CDH12: variants seen among roughly 807,000 people sequenced by gnomAD.
CDH12 encodes the protein cadherin-12.
In CDH12, 41 loss-of-function variants were observed where a neutral mutation model predicts 74.1. The ratio of observed to expected loss-of-function variants is 0.55; its 90% CI spans 0.43 to 0.72. CDH12 has a LOEUF of 0.72. CDH12 is among the 30% of genes least tolerant of loss of function. The pLI is 0.00. For synonymous variants in CDH12, 399 were observed against 355.0 expected (o/e 1.12, Z -1.39); for missense variants, 945 against 977.2 (o/e 0.97, Z 0.44).
intron 1 of CDH12, among the ~76,000 whole-genome samples, chr5:22,718,554 G>A (rs1312508312): frequency 6.6e-6 from 1 of 152,144 alleles, no homozygotes; most frequent in Non-Finnish European, 1.5e-5. Context: ...TCCTTACTGA[G>A]AGAGAGAGCC....
intron 1 of CDH12, among the ~76,000 whole-genome samples, chr5:22,720,743 C>T (rs946515339): frequency 4.6e-5 from 7 of 152,152 alleles, no homozygotes; most frequent in Admixed American, 6.5e-5. Flanking sequence ...ACAATGAAGT[C>T]TGGCTGAGGT....
At chr5:21,925,696 G>C (rs1485250639) in intron 6 of CDH12, among the ~76,000 whole-genome samples, 1 of 152,048 alleles carries the variant, frequency 6.6e-6, no homozygotes. Context: ...TTAGACATAA[G>C]AACTGTATCC....
At chr5:22,345,965 C>T (rs1740092045) in intron 3 of CDH12, among the ~76,000 whole-genome samples, 1 of 151,832 alleles carries the variant, frequency 6.6e-6, no homozygotes, top group African/African-American at 2.4e-5. Flanking sequence ...AATTAGCTGG[C>T]TGTGGTGGCA....
chr5:22,010,939 A>C (rs1490520416), intron 5 of CDH12, among the ~76,000 whole-genome samples: 1 of 151,950 alleles, frequency 6.6e-6, no homozygotes. Flanking sequence ...TTTGACTTCA[A>C]GGATTCCTTG....
intron 11 of CDH12, among the ~76,000 whole-genome samples, chr5:21,773,761 G>A (rs1271938645): frequency 6.6e-6 from 1 of 151,982 alleles, no homozygotes; most frequent in Admixed American, 6.6e-5. Flanking sequence ...CCCTTATTTT[G>A]TTAAGAACAT....
At chr5:22,708,022 T>A (rs1325201995) in intron 1 of CDH12, among the ~76,000 whole-genome samples, 2 of 152,174 alleles carry the variant, frequency 1.3e-5, no homozygotes, top group Admixed American at 1.3e-4. Flanking sequence ...TTGAAGGCTG[T>A]CCTAAAATAT....
At chr5:22,464,127 A>C (rs1443029627) in intron 2 of CDH12, among the ~76,000 whole-genome samples, 1 of 152,138 alleles carries the variant, frequency 6.6e-6, no homozygotes, top group African/African-American at 2.4e-5. Flanking sequence ...TGATTTTTCA[A>C]AGAGGAATTC....
chr5:22,368,513 AG>A (rs1741132643), intron 3 of CDH12, among the ~76,000 whole-genome samples: 1 of 144,676 alleles, frequency 6.9e-6, no homozygotes, highest in African/African-American at 2.6e-5. Context: ...CATGTTTCTC[AG>A]GCTGGTTTCA....
intron 5 of CDH12, among the ~76,000 whole-genome samples, chr5:21,987,399 A>G (rs1757563882): frequency 6.6e-6 from 1 of 152,208 alleles, no homozygotes; most frequent in Non-Finnish European, 1.5e-5. Context: ...CCTATGAATC[A>G]AGCATTTTGT....
intron 6 of CDH12, among the ~76,000 whole-genome samples, chr5:21,885,240 CA>C (rs769660534): frequency 2.6e-5 from 4 of 152,132 alleles, no homozygotes; most frequent in Non-Finnish European, 5.9e-5. Flanking sequence ...ATTCTCACAA[CA>C]GTATGAGAAA....
chr5:21,977,565 G>A (rs1338786206), intron 5 of CDH12, among the ~76,000 whole-genome samples: 3 of 152,048 alleles, frequency 2.0e-5, no homozygotes, highest in East Asian at 3.9e-4. Flanking sequence ...TGTGATACAA[G>A]TAGAATTTTA....
chr5:22,167,214 T>C (rs1023065054), intron 4 of CDH12, among the ~76,000 whole-genome samples: 1 of 152,194 alleles, frequency 6.6e-6, no homozygotes, highest in African/African-American at 2.4e-5. Flanking sequence ...TGTGAAACAC[T>C]GTGTTAGAAT....
intron 9 of CDH12, among the ~76,000 whole-genome samples, chr5:21,811,739 TG>T (rs1481917658): frequency 1.5e-5 from 2 of 131,618 alleles, no homozygotes; most frequent in African/African-American, 5.5e-5. Context: ...TTTCTCAGAG[TG>T]GTAGGATGTG....
Position 22,802,544 on chromosome 5 carries a change from C to A in CDH12, c.-523+50514G>T, listed in dbSNP as rs1436340145. 1.3e-5 allele frequency among the ~76,000 whole-genome samples: 2 copies of A among 152,084 alleles called. 1 individual carries two copies. Among genetic ancestry groups the A allele is most frequent in the East Asian group, 3.9e-4 (2 of 5,166 alleles). ...GTCACCATAGGATATTGTCTCCTATCCTCATTTGCTTGTCATTTTAAATTG... is the reference window on the plus strand; with the variant it reads ...GTCACCATAGGATATTGTCTCCTATACTCATTTGCTTGTCATTTTAAATTG... On this transcript the variant is annotated intron_variant, in intron 1 of 14. Transcript: ENST00000382254.
At chr5:22,423,992 G>A (rs1231591488) in intron 2 of CDH12, among the ~76,000 whole-genome samples, 1 of 91,868 alleles carries the variant, frequency 1.1e-5, no homozygotes, top group African/African-American at 4.6e-5. Flanking sequence ...GACAGAGCGA[G>A]ACTCTGTCTC....
At chr5:22,844,046 CAT>C (rs1005080579) in intron 1 of CDH12, among the ~76,000 whole-genome samples, 59 of 151,970 alleles carry the variant, frequency 3.9e-4, no homozygotes, top group African/African-American at 1.2e-3. Context: ...ACAACCTGCC[CAT>C]GGTTTTTCCA....
At chr5:22,499,200 C>G (rs1040229548) in intron 2 of CDH12, among the ~76,000 whole-genome samples, 2 of 152,080 alleles carry the variant, frequency 1.3e-5, no homozygotes, top group Non-Finnish European at 1.5e-5. Flanking sequence ...AGGCATGACC[C>G]ACCGTGCTCA....
At chr5:22,143,025 T>C (rs1371350023) in intron 4 of CDH12, 1 of 202,864 alleles carries the variant, frequency 4.9e-6, no homozygotes, top group Admixed American at 4.7e-5. Flanking sequence ...AAATGTCTGT[T>C]TTAAAAGAAA....
chr5:22,654,240 C>G (rs199506615), intron 1 of CDH12, among the ~76,000 whole-genome samples: 9 of 136,522 alleles, frequency 6.6e-5, no homozygotes, highest in East Asian at 2.5e-4. Context: ...TTCTTTGTTT[C>G]TTTCTTTCTT....
Sources: allele counts gnomAD v4.1 joint callset (sites outside exome capture counted in the v4.1 genomes callset), GRCh38; gene constraint gnomAD v4.1.1; transcripts MANE v1.5; gene names NCBI Gene and HGNC (gene_info 2026-07-23, HGNC 2026-07-21).